Variants in POU2F1 observed in about 807,000 individuals in gnomAD.
POU2F1 encodes POU class 2 homeobox 1.
In POU2F1, 16 loss-of-function variants were observed where a neutral mutation model predicts 84.9. The ratio of observed to expected loss-of-function variants is 0.19; its 90% CI spans 0.13 to 0.29. POU2F1 has a LOEUF of 0.29. POU2F1 is among the 10% of genes least tolerant of loss of function. The probability of loss-of-function intolerance (pLI) is 1.00; values close to 1 mark genes in which losing one functional copy is unlikely to be tolerated. For synonymous variants in POU2F1, 368 were observed against 368.3 expected, an observed-to-expected ratio of 1.00 and a Z score of 0.01; for missense variants, 738 against 942.6, an observed-to-expected ratio of 0.78 and a Z score of 2.84.
intron 9 of POU2F1, among the ~76,000 whole-genome samples, chr1:167,391,809 T>A (rs1258900394): frequency 6.6e-6 from 1 of 151,826 alleles, no homozygotes; most frequent in Non-Finnish European, 1.5e-5. Context: ...TCCACCCACG[T>A]CAGCTTCCCA....
chr1:167,255,708 T>C (rs1651081711), intron 1 of POU2F1, among the ~76,000 whole-genome samples: 1 of 151,816 alleles, frequency 6.6e-6, no homozygotes, highest in African/African-American at 2.4e-5. Flanking sequence ...AGGAAGAGGA[T>C]TGGAAAAAAG....
In POU2F1 at chr1:167,425,075, A is replaced by G. The variant is rs1038364376; in HGVS notation, c.*9265A>G. On this transcript the variant is annotated 3_prime_UTR_variant, in exon 16 of 16. Coordinates refer to ENST00000367866, the MANE Select transcript of POU2F1 (RefSeq NM_002697.4). ...ATTATTATTATTATTTGACAATCTTATATCCAATGGGCTCTCTAGAAGCTG... is the reference window on the plus strand; with the variant it reads ...ATTATTATTATTATTTGACAATCTTGTATCCAATGGGCTCTCTAGAAGCTG... The G allele has an allele frequency of 1.3e-5, 2 of 151,972 alleles. No homozygotes were observed. Among genetic ancestry groups the G allele is most frequent in the Admixed American group, 6.5e-5 (1 of 15,270 alleles). The allele number at this position is 151,972 out of a possible 1,614,324, so 9.4% of individuals were successfully genotyped here.
intron 13 of POU2F1, among the ~76,000 whole-genome samples, chr1:167,402,691 A>G (rs778140116): frequency 2.6e-5 from 4 of 152,228 alleles, no homozygotes; most frequent in Non-Finnish European, 5.9e-5. Context: ...CAGTTTTAAT[A>G]ACCTTGGTTC....
chr1:167,389,515 AGTT>A, intron 8 of POU2F1, 70 bp from the exon 9 acceptor site: 1 of 1,523,266 alleles, frequency 6.6e-7, no homozygotes, highest in East Asian at 2.3e-5. Context: ...TCTTTCCTTC[AGTT>A]GTTTACTTGG....
intron 1 of POU2F1, among the ~76,000 whole-genome samples, chr1:167,259,541 T>G (rs183107915): frequency 1.6e-3 from 244 of 152,244 alleles, no homozygotes; most frequent in African/African-American, 5.6e-3. Flanking sequence ...CCAGTATATA[T>G]CTCCCTGTGC....
intron 1 of POU2F1, chr1:167,329,231 G>A: frequency 6.5e-7 from 1 of 1,542,338 alleles, no homozygotes; most frequent in Non-Finnish European, 8.8e-7. Flanking sequence ...ACTGCTACCT[G>A]TTTCTTCCTT....
chr1:167,311,121 A>C (rs890256533), intron 1 of POU2F1, among the ~76,000 whole-genome samples: 3 of 152,182 alleles, frequency 2.0e-5, no homozygotes, highest in African/African-American at 7.2e-5. Context: ...ACCTATATAG[A>C]TTTAAGAAAC....
At position 167,278,812 on chromosome 1, in the gene POU2F1, G is replaced by GAATTTAATACAATTCTATTA. The variant is rs1553201512; in HGVS notation, c.62-53649_62-53648insCAATTCTATTAAATTTAATA. Reference sequence around the variant, plus strand: ...CTTCATTTGTTTTTCTATTTTAATAGAATTTAATAAAATTCTATTTTAATA... The same window carrying GAATTTAATACAATTCTATTA: ...CTTCATTTGTTTTTCTATTTTAATAGAATTTAATACAATTCTATTAAATTTAATAAAATTCTATTTTAATA... On this transcript the variant is annotated intron_variant, in intron 1 of 15. Coordinates refer to ENST00000367866, the MANE Select transcript of POU2F1 (RefSeq NM_002697.4). Among the ~76,000 whole-genome samples, 53 of 150,790 alleles carry GAATTTAATACAATTCTATTA rather than the reference G, an allele frequency of 3.5e-4. No individual in the cohort carries two copies. In the East Asian group the frequency reaches 0.01, roughly 29 times the overall value.
intron 1 of POU2F1, among the ~76,000 whole-genome samples, chr1:167,277,684 C>T (rs564685961): frequency 6.6e-6 from 1 of 152,182 alleles, no homozygotes; most frequent in Middle Eastern, 3.4e-3. Context: ...ATTCTACGAC[C>T]CAGCAATTAT....
intron 1 of POU2F1, among the ~76,000 whole-genome samples, chr1:167,324,677 T>G (rs1229272325): frequency 1.3e-5 from 2 of 152,184 alleles, no homozygotes; most frequent in East Asian, 3.8e-4. Flanking sequence ...ATACCTCGGC[T>G]CTCTGTTTAG....
intron 2 of POU2F1, among the ~76,000 whole-genome samples, chr1:167,345,847 T>C (rs77040664): frequency 0.02 from 3,058 of 150,342 alleles, 103 homozygotes; most frequent in African/African-American, 0.07. Flanking sequence ...CATAAGACAC[T>C]TATTTTTCTA....
In POU2F1 at chr1:167,298,761, A is replaced by G. The variant is rs71630397; in HGVS notation, c.62-33709A>G. 7.2e-3 allele frequency among the ~76,000 whole-genome samples: 1,103 copies of G among 152,290 alleles called. 6 individuals carry two copies. The highest frequency in any genetic ancestry group is 0.012 in the South Asian group (56 of 4,830). On this transcript the variant is annotated intron_variant, in intron 1 of 15. Coordinates refer to ENST00000367866, the MANE Select transcript of POU2F1 (RefSeq NM_002697.4). ...GCTTGAATTCATTAATTTTAACAGC[A>G]TATGCCATGTTCAGTTTACCCAGTG...
intron 2 of POU2F1, among the ~76,000 whole-genome samples, chr1:167,343,762 C>CT (rs1316408148): frequency 7.1e-6 from 1 of 141,078 alleles, no homozygotes; most frequent in African/African-American, 2.6e-5. Flanking sequence ...GTAGCATTCT[C>CT]TGAGTAGGAA....
chr1:167,385,814 A>G (rs1647931863), intron 8 of POU2F1, among the ~76,000 whole-genome samples: 1 of 152,220 alleles, frequency 6.6e-6, no homozygotes, highest in East Asian at 1.9e-4. Context: ...AAGTGAATGA[A>G]AAGAAAACCA....
intron 2 of POU2F1, chr1:167,337,936 CCTATTAAAGA>C: frequency 2.7e-6 from 1 of 366,126 alleles, no homozygotes; most frequent in Non-Finnish European, 5.3e-6. Flanking sequence ...CTATCTATAT[CCTATTAAAGA>C]CTGCTTTTTG....
chr1:167,300,887 C>G (rs1654646984), intron 1 of POU2F1, among the ~76,000 whole-genome samples: 1 of 152,204 alleles, frequency 6.6e-6, no homozygotes, highest in African/African-American at 2.4e-5. Context: ...TCTCCTACCT[C>G]AGCCTCCTGA....
At chr1:167,375,101 G>A (rs1403241071) in intron 6 of POU2F1, among the ~76,000 whole-genome samples, 3 of 152,010 alleles carry the variant, frequency 2.0e-5, no homozygotes, top group Middle Eastern at 3.4e-3. Context: ...TTAATCTCAA[G>A]AAGAGGAAAA....
At chr1:167,404,778 A>T (rs1649456233) in intron 13 of POU2F1, among the ~76,000 whole-genome samples, 1 of 152,166 alleles carries the variant, frequency 6.6e-6, no homozygotes, top group Admixed American at 6.5e-5. Context: ...CCTCTATCAT[A>T]GTCTTCTCCT....
At chr1:167,359,697 A>G (rs1659221859) in intron 2 of POU2F1, among the ~76,000 whole-genome samples, 1 of 152,180 alleles carries the variant, frequency 6.6e-6, no homozygotes, top group South Asian at 2.1e-4. Context: ...GTATATATCC[A>G]GTAATGGGAT....
Sources: allele counts gnomAD v4.1 joint callset (sites outside exome capture counted in the v4.1 genomes callset), GRCh38; gene constraint gnomAD v4.1.1; transcripts MANE v1.5; gene names NCBI Gene and HGNC (gene_info 2026-07-23, HGNC 2026-07-21).